Variants in SGCZ observed in about 807,000 individuals in gnomAD.
The protein encoded by SGCZ is sarcoglycan zeta, also known as zeta-sarcoglycan.
Under a neutral mutation model 41.3 loss-of-function variants are expected in SGCZ, and 40 were observed. The observed-to-expected ratio is 0.97, with a 90% confidence interval of 0.75 to 1.26. The LOEUF (loss-of-function observed/expected upper bound fraction) is 1.26, where lower values mean the gene tolerates loss of function less well. Among genes scored for constraint, SGCZ ranks in the 50% most tolerant of loss-of-function variants. The pLI is 0.00. For synonymous variants in SGCZ, 206 were observed against 137.5 expected, an observed-to-expected ratio of 1.50 and a Z score of -3.49; for missense variants, 552 against 369.8, an observed-to-expected ratio of 1.49 and a Z score of -4.04.
chr8:14,200,278 T>C (rs1805411678), intron 4 of SGCZ, among the ~76,000 whole-genome samples: 1 of 152,204 alleles, frequency 6.6e-6, no homozygotes, highest in Non-Finnish European at 1.5e-5. Context: ...GTTAAGATAA[T>C]CGATTTTCCC....
At chr8:14,523,509 C>T (rs1459999585) in intron 2 of SGCZ, among the ~76,000 whole-genome samples, 1 of 151,964 alleles carries the variant, frequency 6.6e-6, no homozygotes, top group African/African-American at 2.4e-5. Context: ...CTGGTCGTGA[C>T]GGTTTCTGGT....
intron 2 of SGCZ, among the ~76,000 whole-genome samples, chr8:14,402,470 G>T (rs1344237340): frequency 1.3e-5 from 2 of 151,302 alleles, no homozygotes; most frequent in African/African-American, 2.5e-5. Flanking sequence ...TTTGTATAAG[G>T]TGTAAGGAAG....
intron 2 of SGCZ, among the ~76,000 whole-genome samples, chr8:14,353,117 C>A (rs958771616): frequency 5.3e-5 from 8 of 151,832 alleles, no homozygotes; most frequent in Non-Finnish European, 1.0e-4. Context: ...TTTCTATGAC[C>A]TTGGGCAAGT....
chr8:14,983,569 TC>T (rs1375244384), intron 1 of SGCZ, among the ~76,000 whole-genome samples: 2 of 152,004 alleles, frequency 1.3e-5, no homozygotes, highest in Non-Finnish European at 2.9e-5. Context: ...GGTCTCACAC[TC>T]CCAGCCTCAA....
At chr8:15,169,592 A>C (rs1799768027) in intron 1 of SGCZ, among the ~76,000 whole-genome samples, 1 of 137,098 alleles carries the variant, frequency 7.3e-6, no homozygotes, top group South Asian at 2.3e-4. Context: ...GTAACAGAGT[A>C]CCCTAGACTA....
intron 2 of SGCZ, among the ~76,000 whole-genome samples, chr8:14,360,277 G>T (rs931582370): frequency 2.7e-5 from 4 of 150,598 alleles, no homozygotes; most frequent in Non-Finnish European, 5.9e-5. Context: ...TCAGAAAAGA[G>T]AAAGAAATAA....
chr8:14,172,995 G>A (rs1046597548), intron 4 of SGCZ, among the ~76,000 whole-genome samples: 1 of 152,110 alleles, frequency 6.6e-6, no homozygotes, highest in African/African-American at 2.4e-5. Context: ...CAGAGTGTTG[G>A]TATTTCCCTA....
chr8:14,693,550 C>G (rs1017849876), intron 1 of SGCZ, among the ~76,000 whole-genome samples: 36 of 139,742 alleles, frequency 2.6e-4, no homozygotes, highest in Non-Finnish European at 4.3e-4. Flanking sequence ...TCCCAAAGTA[C>G]TGGGATTACA....
chr8:15,188,536 A>T (rs1315202757), intron 1 of SGCZ, among the ~76,000 whole-genome samples: 1 of 152,126 alleles, frequency 6.6e-6, no homozygotes. Context: ...GTTTTCACTC[A>T]TTGACATGAT....
At chr8:14,572,565 G>A (rs1171092432) in intron 1 of SGCZ, among the ~76,000 whole-genome samples, 1 of 152,114 alleles carries the variant, frequency 6.6e-6, no homozygotes, top group Non-Finnish European at 1.5e-5. Context: ...GAGAAGTTAA[G>A]GAATTTTTGC....
At chr8:14,786,043 A>ATAGAGATATATCCC (rs370040464) in intron 1 of SGCZ, among the ~76,000 whole-genome samples, 5 of 151,752 alleles carry the variant, frequency 3.3e-5, no homozygotes, top group Admixed American at 1.3e-4. Context: ...TATTTTTAAG[A>ATAGAGATATATCCC]CTTTATTGTC....
intron 2 of SGCZ, among the ~76,000 whole-genome samples, chr8:14,393,069 C>A (rs1397747774): frequency 1.3e-5 from 2 of 152,030 alleles, no homozygotes; most frequent in East Asian, 1.9e-4. Context: ...ATGAAAGGCA[C>A]GTATAAAGAA....
chr8:14,488,576 C>A (rs959119495), intron 2 of SGCZ, among the ~76,000 whole-genome samples: 1 of 152,032 alleles, frequency 6.6e-6, no homozygotes, highest in African/African-American at 2.4e-5. Context: ...CGGAGCTAAC[C>A]CATTGAAATG....
At chr8:14,298,623 T>A (rs991865405) in intron 3 of SGCZ, among the ~76,000 whole-genome samples, 16 of 151,982 alleles carry the variant, frequency 1.1e-4, no homozygotes, top group African/African-American at 3.1e-4. Context: ...GAACAAAATT[T>A]CAACAAATAT....
chr8:14,346,746 T>C (rs777783159), intron 2 of SGCZ, among the ~76,000 whole-genome samples: 4 of 152,056 alleles, frequency 2.6e-5, no homozygotes, highest in Non-Finnish European at 4.4e-5. Context: ...CTTTAATATA[T>C]TTAATAATTT....
At chr8:15,130,113 T>A (rs1807845924) in intron 1 of SGCZ, among the ~76,000 whole-genome samples, 1 of 152,152 alleles carries the variant, frequency 6.6e-6, no homozygotes, top group Non-Finnish European at 1.5e-5. Context: ...TTTGAGGCCC[T>A]TCTCTATCGG....
At chr8:15,153,408 C>T (rs1396827071) in intron 1 of SGCZ, among the ~76,000 whole-genome samples, 4 of 152,122 alleles carry the variant, frequency 2.6e-5, no homozygotes, top group Admixed American at 1.3e-4. Flanking sequence ...ACTTTAGTAA[C>T]GTGAGAATGC....
intron 1 of SGCZ, among the ~76,000 whole-genome samples, chr8:15,189,581 G>A: frequency 6.7e-6 from 1 of 149,110 alleles, no homozygotes; most frequent in East Asian, 2.0e-4. Context: ...TTTTTTTTGA[G>A]ATAGAGTCTT....
rs531303272 is a variant in SGCZ at position 14,193,826 on chromosome 8, T to C, written c.425-29124A>G. Among the ~76,000 whole-genome samples the C allele has an allele frequency of 9.9e-5, 15 of 152,030 alleles. No individual in the cohort carries two copies. The East Asian group carries it at 1.5e-3, about 16-fold the overall frequency. ...ATTTGCATAAAATTATTCTGATATG[T>C]TGTAAACGCTTTTGGTTTAATAAAG... On this transcript the variant is annotated intron_variant, in intron 4 of 7. Coordinates refer to ENST00000382080, the MANE Select transcript of SGCZ (RefSeq NM_139167.4).
Sources: gnomAD v4.1 joint callset for allele counts (sites outside exome capture counted in the v4.1 genomes callset) on GRCh38, gnomAD v4.1.1 for gene constraint, MANE v1.5 for transcripts, NCBI Gene and HGNC (gene_info 2026-07-23, HGNC 2026-07-21) for gene names.